The following ZDHHC7 variants were observed in gnomAD, a reference collection of about 807,000 sequenced individuals.
ZDHHC7 encodes the protein zDHHC palmitoyltransferase 7, also known as palmitoyltransferase ZDHHC7.
A neutral mutation model predicts 34.1 loss-of-function variants in ZDHHC7; 12 were observed. The ratio of observed to expected loss-of-function variants is 0.35; its 90% CI spans 0.23 to 0.57. ZDHHC7 has a LOEUF of 0.57. ZDHHC7 is among the 20% of genes least tolerant of loss of function. ZDHHC7 has a pLI of 0.84. For synonymous variants in ZDHHC7, 185 were observed against 155.4 expected, an observed-to-expected ratio of 1.19 and a Z score of -1.42; for missense variants, 388 against 402.7, an observed-to-expected ratio of 0.96 and a Z score of 0.31.
intron 1 of ZDHHC7, chr16:85,004,879 G>C (rs1424254631): frequency 1.3e-5 from 2 of 152,274 alleles, no homozygotes; most frequent in African/African-American, 4.8e-5. Flanking sequence ...AAGGGTTATA[G>C]AGAAAGAGGG....
intron 1 of ZDHHC7, among the ~76,000 whole-genome samples, chr16:85,008,270 A>G (rs926702586): frequency 6.6e-6 from 1 of 151,960 alleles, no homozygotes; most frequent in Non-Finnish European, 1.5e-5. Flanking sequence ...CATGTGGGCA[A>G]TCAATCAATC....
the ZDHHC7 span, among the ~76,000 whole-genome samples, chr16:85,022,022 T>A: frequency 6.8e-6 from 1 of 147,432 alleles, no homozygotes; most frequent in Non-Finnish European, 1.5e-5. Context: ...TAGCCAGGCG[T>A]GGTGGCGGGC....
chr16:84,974,276 C>T lies in ZDHHC7; in HGVS notation c.*2067G>A, dbSNP rs956047836. 1 of 152,200 alleles carries T rather than the reference C, an allele frequency of 6.6e-6. No homozygotes were observed. Among genetic ancestry groups the T allele is most frequent in the Non-Finnish European group, 1.5e-5 (1 of 68,042 alleles). 9.4% of individuals were successfully genotyped at this position (152,200 alleles called of 1,614,324 possible). On this transcript the variant is annotated 3_prime_UTR_variant, in exon 8 of 8. Transcript: ENST00000313732. Reference sequence around the variant, plus strand: ...TAAACATTCAACAAGCAACAGTACTCACTGGGCAACATTTGTGAGTCGCGC... The same window carrying T: ...TAAACATTCAACAAGCAACAGTACTTACTGGGCAACATTTGTGAGTCGCGC...
the ZDHHC7 span, among the ~76,000 whole-genome samples, chr16:85,020,544 T>A: frequency 2.6e-5 from 4 of 152,132 alleles, no homozygotes; most frequent in African/African-American, 9.7e-5. Flanking sequence ...AAGACATGGA[T>A]ATTTGTTGAG....
intron 3 of ZDHHC7, among the ~76,000 whole-genome samples, chr16:84,986,914 A>G (rs1209942671): frequency 2.6e-5 from 4 of 152,190 alleles, no homozygotes; most frequent in Admixed American, 6.5e-5. Context: ...GGAGAGAAGA[A>G]ATCAACTCCC....
upstream of ZDHHC7, among the ~76,000 whole-genome samples, chr16:85,012,821 G>A (rs920606399): frequency 4.1e-4 from 62 of 152,104 alleles, no homozygotes; most frequent in African/African-American, 1.4e-3. Context: ...AGGAGAAACC[G>A]CTTGAGAACC....
chr16:85,007,280 G>A (rs917150142), intron 1 of ZDHHC7, among the ~76,000 whole-genome samples: 3 of 151,700 alleles, frequency 2.0e-5, no homozygotes, highest in Non-Finnish European at 4.4e-5. Flanking sequence ...AAAATTAGCC[G>A]GGCATGATGG....
chr16:84,978,862 C>CAA (rs200114312), intron 5 of ZDHHC7, among the ~76,000 whole-genome samples: 47 of 107,416 alleles, frequency 4.4e-4, no homozygotes, highest in South Asian at 1.9e-3. Context: ...AACTCCATCT[C>CAA]AAAAAAAAAA....
the ZDHHC7 span, among the ~76,000 whole-genome samples, chr16:85,019,168 T>G: frequency 6.6e-6 from 1 of 152,188 alleles, no homozygotes; most frequent in East Asian, 1.9e-4. Context: ...CATGTAAAAT[T>G]TCTCCCTCCC....
chr16:85,000,820 G>A (rs886208004), intron 1 of ZDHHC7, among the ~76,000 whole-genome samples: 1 of 152,226 alleles, frequency 6.6e-6, no homozygotes, highest in African/African-American at 2.4e-5. Context: ...GGAGCAGAGC[G>A]CACACAGCAG....
At chr16:84,978,030 G>T in intron 5 of ZDHHC7, 25 bp from the exon 6 acceptor site, 1 of 1,566,426 alleles carries the variant, frequency 6.4e-7, no homozygotes, top group Non-Finnish European at 8.8e-7. Context: ...AGATTGGTTA[G>T]TCACTTTTAT....
the ZDHHC7 span, among the ~76,000 whole-genome samples, chr16:85,023,838 T>G: frequency 6.6e-6 from 1 of 152,226 alleles, no homozygotes; most frequent in East Asian, 1.9e-4. Context: ...CATGCTGGTC[T>G]CAAACTCCTG....
intron 3 of ZDHHC7, among the ~76,000 whole-genome samples, chr16:84,990,002 G>A (rs1429780296): frequency 2.0e-5 from 3 of 152,084 alleles, no homozygotes; most frequent in African/African-American, 7.2e-5. Flanking sequence ...CGATCGGCCC[G>A]AATGCCCCTC....
In ZDHHC7 at chr16:84,990,325, C is replaced by T. The variant is rs2072492210; in HGVS notation, c.294G>A (p.Leu98=). 1.2e-6 allele frequency: 2 copies of T among 1,613,974 alleles called. No individual in the cohort carries two copies. Among genetic ancestry groups the T allele is most frequent in the African/African-American group, 2.7e-5 (2 of 74,996 alleles). The change falls in exon 3 of 8, where the codon CTG becomes CTA. Residue 98 remains leucine (L), a synonymous_variant. Coordinates refer to ENST00000313732, the MANE Select transcript of ZDHHC7 (RefSeq NM_017740.3). ...CLAVLALSSH[L]RTMLTDPGAV... is the part of the protein sequence containing the mutation. Reference sequence around the variant, plus strand: ...TCACAGGGTCGGTGAGCATGGTTCTCAGGTGGGATGACAGGGCAAGCACGG... The same window carrying T: ...TCACAGGGTCGGTGAGCATGGTTCTTAGGTGGGATGACAGGGCAAGCACGG...
upstream of ZDHHC7, among the ~76,000 whole-genome samples, chr16:85,014,011 C>T (rs2072824177): frequency 6.6e-6 from 1 of 151,998 alleles, no homozygotes; most frequent in South Asian, 2.1e-4. Flanking sequence ...TTACAGGGAC[C>T]CCAACCAAGA....
At chr16:85,014,597 T>C (rs1007185297), upstream of ZDHHC7, among the ~76,000 whole-genome samples, 3 of 152,078 alleles carry the variant, frequency 2.0e-5, no homozygotes, top group African/African-American at 7.2e-5. Flanking sequence ...TAACCTACAG[T>C]GTAAGAAGTG....
chr16:85,008,429 G>A (rs1429414391), intron 1 of ZDHHC7, among the ~76,000 whole-genome samples: 2 of 151,858 alleles, frequency 1.3e-5, no homozygotes, highest in Admixed American at 6.6e-5. Flanking sequence ...GAGGACAATC[G>A]TGCCTTTGGT....
At chr16:84,999,349 G>A (rs1204931317) in intron 1 of ZDHHC7, among the ~76,000 whole-genome samples, 1 of 152,120 alleles carries the variant, frequency 6.6e-6, no homozygotes, top group Non-Finnish European at 1.5e-5. Flanking sequence ...CTGTGACTCA[G>A]AGATTCCACT....
At position 84,975,705 on chromosome 16, in the gene ZDHHC7, A is replaced by G. The variant is rs1269898236; in HGVS notation, c.*638T>C. ...TTACATTGCCTAAACAACACTGGCA[A>G]TTTTGACACACATGCACACACGCGC... On this transcript the variant is annotated 3_prime_UTR_variant, in exon 8 of 8. Transcript: ENST00000313732. 6.5e-6 allele frequency: 1 copy of G among 152,710 alleles called. No homozygotes were observed. The highest frequency in any genetic ancestry group is 1.9e-4 in the East Asian group (1 of 5,192). 9.5% of individuals were successfully genotyped at this position (152,710 alleles called of 1,614,324 possible).
Sources: allele counts gnomAD v4.1 joint callset (sites outside exome capture counted in the v4.1 genomes callset), GRCh38; gene constraint gnomAD v4.1.1; transcripts MANE v1.5; gene names NCBI Gene and HGNC (gene_info 2026-07-23, HGNC 2026-07-21).